IRAK1BP1: variants seen among roughly 807,000 people sequenced by gnomAD.
IRAK1BP1 encodes the protein interleukin-1 receptor-associated kinase 1-binding protein 1.
IRAK1BP1 carries 24 observed loss-of-function variants against 28.0 expected under a neutral mutation model. That is an observed-to-expected ratio of 0.86 (90% confidence interval 0.62 to 1.20). The LOEUF (loss-of-function observed/expected upper bound fraction) is 1.20, where lower values mean the gene tolerates loss of function less well. Ranked by LOEUF, IRAK1BP1 falls within the 50% of genes most tolerant of loss-of-function variation. IRAK1BP1 has a pLI of 0.00. For synonymous variants in IRAK1BP1, 131 were observed against 116.3 expected (o/e 1.13, Z -0.81); for missense variants, 336 against 316.7 (o/e 1.06, Z -0.46).
intron 2 of IRAK1BP1, among the ~76,000 whole-genome samples, chr6:78,895,178 C>A (rs1771834518): frequency 6.6e-6 from 1 of 150,604 alleles, no homozygotes; most frequent in Admixed American, 6.6e-5. Context: ...AAATTAAAAA[C>A]CAGTAATAGA....
chr6:78,972,824 G>T, the IRAK1BP1 span, among the ~76,000 whole-genome samples: 5 of 152,078 alleles, frequency 3.3e-5, no homozygotes, highest in Non-Finnish European at 7.4e-5. Flanking sequence ...GGGAAGTTTA[G>T]AGAAAAAAAC....
chr6:78,960,125 GAAGTATGGTT>G, the IRAK1BP1 span, among the ~76,000 whole-genome samples: 2 of 152,250 alleles, frequency 1.3e-5, no homozygotes, highest in South Asian at 4.1e-4. Context: ...TTCAAAATTT[GAAGTATGGTT>G]TCTACTGAAT....
downstream of IRAK1BP1, among the ~76,000 whole-genome samples, chr6:78,947,465 C>T (rs1436346986): frequency 2.6e-5 from 4 of 152,110 alleles, no homozygotes; most frequent in African/African-American, 9.7e-5. Flanking sequence ...ATACAAGGAG[C>T]TGAGTAGAAA....
At chr6:78,884,498 T>G (rs1186846449) in intron 1 of IRAK1BP1, among the ~76,000 whole-genome samples, 2 of 152,164 alleles carry the variant, frequency 1.3e-5, no homozygotes, top group African/African-American at 4.8e-5. Context: ...ATATAAATAT[T>G]AGTACTTTTC....
Position 78,898,295 on chromosome 6 carries a change from T to C in IRAK1BP1, c.744T>C (p.Phe248=). The change falls in exon 4 of 4, where the codon TTT becomes TTC. Residue 248 remains phenylalanine (F), a synonymous_variant. Coordinates refer to ENST00000369940, the MANE Select transcript of IRAK1BP1 (RefSeq NM_001010844.4). ...IHAASKVFIT[F]EVKGKEKRKK... is the part of the protein sequence containing the mutation. ...CTGCTTCAAAAGTATTTATAACTTT[T>C]GAGGTAAAGGGAAAAGAGAAGAGAA... 1 of 1,604,612 alleles carries C rather than the reference T, an allele frequency of 6.2e-7. No individual in the cohort carries two copies. The highest frequency in any genetic ancestry group is 8.5e-7 in the Non-Finnish European group (1 of 1,175,308).
At chr6:78,926,027 C>T (rs1461967150) in intron 4 of IRAK1BP1, among the ~76,000 whole-genome samples, 3 of 151,932 alleles carry the variant, frequency 2.0e-5, no homozygotes, top group Non-Finnish European at 4.4e-5. Context: ...GACAGTAGGA[C>T]CTACTGAAGG....
intron 2 of IRAK1BP1, among the ~76,000 whole-genome samples, chr6:78,893,079 G>T (rs1771721736): frequency 6.8e-6 from 1 of 147,716 alleles, no homozygotes; most frequent in Non-Finnish European, 1.5e-5. Flanking sequence ...CTAAGCACAA[G>T]AAATTGAAAA....
intron 2 of IRAK1BP1, among the ~76,000 whole-genome samples, chr6:78,896,094 C>T (rs139784406): frequency 3.9e-4 from 60 of 152,142 alleles, no homozygotes; most frequent in African/African-American, 1.4e-3. Context: ...TTAAAGAGGA[C>T]CTAAATAAAT....
At chr6:78,975,586 C>G in the IRAK1BP1 span, among the ~76,000 whole-genome samples, 3 of 152,144 alleles carry the variant, frequency 2.0e-5, no homozygotes, top group Non-Finnish European at 1.5e-5. Context: ...GTCAAATTGT[C>G]CCTGTTTGCA....
chr6:78,894,357 CAT>C (rs981593272), intron 2 of IRAK1BP1, among the ~76,000 whole-genome samples: 10 of 151,990 alleles, frequency 6.6e-5, no homozygotes, highest in Admixed American at 3.3e-4. Flanking sequence ...AATATGAAGA[CAT>C]ATGTTGGTTA....
At chr6:78,892,599 G>A (rs950895161) in intron 2 of IRAK1BP1, among the ~76,000 whole-genome samples, 1 of 151,976 alleles carries the variant, frequency 6.6e-6, no homozygotes, top group African/African-American at 2.4e-5. Flanking sequence ...CTCATAATAA[G>A]GAGAAAAATC....
rs1012951430 is a variant in IRAK1BP1 at position 78,901,398 on chromosome 6, T to G, written c.*3064T>G. 1 of 152,092 alleles carries G rather than the reference T, an allele frequency of 6.6e-6. No homozygotes were observed. Among genetic ancestry groups the G allele is most frequent in the Non-Finnish European group, 1.5e-5 (1 of 67,976 alleles). 9.4% of individuals were successfully genotyped at this position (152,092 alleles called of 1,614,324 possible). A position where few individuals can be genotyped will look rare whatever the true frequency, so the allele number is the denominator to read the frequency against. ...AATTTAGTTGTCAGTTGATAGCAAT[T>G]TAATTTCTTGATACATGGCATACAC... On this transcript the variant is annotated 3_prime_UTR_variant, in exon 4 of 4. Transcript: ENST00000369940.
chr6:78,884,930 A>G (rs991195331), intron 1 of IRAK1BP1, among the ~76,000 whole-genome samples: 4 of 152,102 alleles, frequency 2.6e-5, no homozygotes, highest in Non-Finnish European at 5.9e-5. Flanking sequence ...ATAGCAGTTA[A>G]TTGCCACTAA....
chr6:78,974,402 T>C, the IRAK1BP1 span, among the ~76,000 whole-genome samples: 1 of 151,652 alleles, frequency 6.6e-6, no homozygotes, highest in Non-Finnish European at 1.5e-5. Context: ...TTTATAGCAC[T>C]AAATGCCCAC....
the IRAK1BP1 span, among the ~76,000 whole-genome samples, chr6:78,972,826 G>GA: frequency 2.6e-5 from 4 of 151,974 alleles, no homozygotes; most frequent in South Asian, 2.1e-4. Flanking sequence ...GAAGTTTAGA[G>GA]AAAAAAACAA....
intron 4 of IRAK1BP1, among the ~76,000 whole-genome samples, chr6:78,911,647 C>T (rs1408968811): frequency 6.6e-6 from 1 of 152,196 alleles, no homozygotes; most frequent in Non-Finnish European, 1.5e-5. Flanking sequence ...TGTTTCTCTC[C>T]AATGTAGTCA....
rs144369916 is a variant in IRAK1BP1, at chr6:78,902,507, C to T, written c.*4173C>T. The T allele has an allele frequency of 5.5e-3, 854 of 153,980 alleles. 6 individuals carry two copies. Among genetic ancestry groups the T allele is most frequent in the African/African-American group, 0.02 (826 of 41,570 alleles). The allele number at this position is 153,980 out of a possible 1,614,324, so 9.5% of individuals were successfully genotyped here. On this transcript the variant is annotated 3_prime_UTR_variant, in exon 4 of 4. Coordinates refer to ENST00000369940, the MANE Select transcript of IRAK1BP1 (RefSeq NM_001010844.4). ...CCCGGGTAGGCCAGGCACGTTGGCTCACGCCTGTAATCCCAGCACTTGGGA... is the reference window on the plus strand; with the variant it reads ...CCCGGGTAGGCCAGGCACGTTGGCTTACGCCTGTAATCCCAGCACTTGGGA...
intron 4 of IRAK1BP1, among the ~76,000 whole-genome samples, chr6:78,909,990 A>G (rs1772361563): frequency 6.6e-6 from 1 of 152,204 alleles, no homozygotes; most frequent in Non-Finnish European, 1.5e-5. Context: ...AAACAATGAA[A>G]AAGTTCAGGT....
chr6:78,931,318 A>G (rs1773039972), intron 4 of IRAK1BP1, among the ~76,000 whole-genome samples: 1 of 152,072 alleles, frequency 6.6e-6, no homozygotes, highest in Non-Finnish European at 1.5e-5. Flanking sequence ...AGGCTAAGGC[A>G]GGAGGATTGC....
Sources: allele counts gnomAD v4.1 joint callset (sites outside exome capture counted in the v4.1 genomes callset), GRCh38; gene constraint gnomAD v4.1.1; transcripts MANE v1.5; gene names NCBI Gene and HGNC (gene_info 2026-07-23, HGNC 2026-07-21).